Variants in CNTNAP2 observed in about 807,000 individuals in gnomAD.
CNTNAP2 encodes contactin-associated protein-like 2.
CNTNAP2 carries 98 observed loss-of-function variants against 155.2 expected under a neutral mutation model. That is an observed-to-expected ratio of 0.63 (90% confidence interval 0.54 to 0.75). The LOEUF (loss-of-function observed/expected upper bound fraction) is 0.75, where lower values mean the gene tolerates loss of function less well. CNTNAP2 is among the 30% of genes least tolerant of loss of function. The pLI is 0.00. For synonymous variants in CNTNAP2, 651 were observed against 631.2 expected (o/e 1.03, Z -0.47); for missense variants, 1,727 against 1,688.1 (o/e 1.02, Z -0.40).
In CNTNAP2 at chr7:147,857,090, AGTT is replaced by A. The variant is rs771947592; in HGVS notation, c.2099-46466_2099-46464del. On this transcript the variant is annotated intron_variant, in intron 13 of 23. Coordinates refer to ENST00000361727, the MANE Select transcript of CNTNAP2 (RefSeq NM_014141.6). ...ACCATAACCCAGGCTGTGTTTTCAA[AGTT>A]GTTGTTGTAAACTAAATGTTTTGGT... Among the ~76,000 whole-genome samples the A allele has an allele frequency of 3.3e-5, 5 of 152,220 alleles. No individual in the cohort carries two copies. The East Asian group carries it at 7.7e-4, about 23-fold the overall frequency.
chr7:147,197,546 C>T (rs751096478), intron 8 of CNTNAP2, among the ~76,000 whole-genome samples: 2 of 151,878 alleles, frequency 1.3e-5, no homozygotes, highest in East Asian at 1.9e-4. Context: ...TCTCTCTTGC[C>T]GGAAAAAAGG....
chr7:148,155,124 G>C (rs1271992640), intron 17 of CNTNAP2, among the ~76,000 whole-genome samples: 3 of 152,120 alleles, frequency 2.0e-5, no homozygotes, highest in Non-Finnish European at 4.4e-5. Flanking sequence ...CTATAACATA[G>C]ATAACATTGC....
chr7:146,822,822 T>C (rs1803315803), intron 2 of CNTNAP2, among the ~76,000 whole-genome samples: 1 of 149,554 alleles, frequency 6.7e-6, no homozygotes, highest in Admixed American at 6.8e-5. Context: ...TTCTTCAGCA[T>C]ATTTAAATAT....
At chr7:147,400,242 G>A (rs1051090309) in intron 10 of CNTNAP2, among the ~76,000 whole-genome samples, 2 of 152,102 alleles carry the variant, frequency 1.3e-5, no homozygotes, top group Non-Finnish European at 2.9e-5. Flanking sequence ...TCAAAGTTGG[G>A]GAGAGGGGGT....
intron 18 of CNTNAP2, chr7:148,189,954 T>C (rs1317318009): frequency 1.3e-5 from 2 of 152,184 alleles, no homozygotes; most frequent in Admixed American, 6.5e-5. Flanking sequence ...CTTTTATCTC[T>C]TGAAGATTTG....
chr7:147,605,755 G>A (rs749672822), intron 12 of CNTNAP2, among the ~76,000 whole-genome samples: 5 of 152,062 alleles, frequency 3.3e-5, no homozygotes, highest in African/African-American at 7.2e-5. Flanking sequence ...GGCAAGAAAC[G>A]GAACAGAAGA....
chr7:146,480,400 A>G (rs1056534604), intron 1 of CNTNAP2, among the ~76,000 whole-genome samples: 3 of 152,096 alleles, frequency 2.0e-5, no homozygotes, highest in Non-Finnish European at 4.4e-5. Flanking sequence ...CGCAAAAATT[A>G]CAATGTATAT....
chr7:148,400,855 C>A (rs951361143), intron 22 of CNTNAP2, among the ~76,000 whole-genome samples: 1 of 151,998 alleles, frequency 6.6e-6, no homozygotes, highest in Non-Finnish European at 1.5e-5. Flanking sequence ...TGGCGCATGC[C>A]TGTAATTTCA....
intron 1 of CNTNAP2, among the ~76,000 whole-genome samples, chr7:146,210,813 G>A (rs759695540): frequency 6.6e-6 from 1 of 151,510 alleles, no homozygotes; most frequent in Non-Finnish European, 1.5e-5. Flanking sequence ...ATGGGTTGTC[G>A]GGTAAGACAG....
intron 4 of CNTNAP2, among the ~76,000 whole-genome samples, chr7:147,103,519 T>C (rs1406224345): frequency 6.6e-6 from 1 of 152,106 alleles, no homozygotes; most frequent in African/African-American, 2.4e-5. Flanking sequence ...GCATAAACTA[T>C]ATAGTATTCG....
intron 8 of CNTNAP2, among the ~76,000 whole-genome samples, chr7:147,235,345 GGTGTGTGTGTGTGTGTGT>G (rs60072934): frequency 7.1e-6 from 1 of 140,882 alleles, no homozygotes; most frequent in Non-Finnish European, 1.5e-5. Context: ...TGGAGTTTTT[GGTGTGTGTGTGTGTGTGT>G]GTGTGTGTGT....
intron 16 of CNTNAP2, among the ~76,000 whole-genome samples, chr7:148,144,273 T>C (rs1805133412): frequency 6.6e-6 from 1 of 152,166 alleles, no homozygotes; most frequent in Non-Finnish European, 1.5e-5. Context: ...GTAAGAAATA[T>C]AATGTCACTC....
chr7:147,914,582 G>T (rs1477253054), intron 14 of CNTNAP2, among the ~76,000 whole-genome samples: 1 of 151,036 alleles, frequency 6.6e-6, no homozygotes, highest in Non-Finnish European at 1.5e-5. Flanking sequence ...TTATTTTTGA[G>T]AAGGGTCTCA....
At chr7:147,152,500 G>A (rs1177184691) in intron 8 of CNTNAP2, among the ~76,000 whole-genome samples, 1 of 152,002 alleles carries the variant, frequency 6.6e-6, no homozygotes, top group Non-Finnish European at 1.5e-5. Context: ...GAAATGATTA[G>A]GAGGGTAAGT....
At chr7:148,156,903 A>T (rs1456626050) in intron 17 of CNTNAP2, among the ~76,000 whole-genome samples, 1 of 151,968 alleles carries the variant, frequency 6.6e-6, no homozygotes, top group African/African-American at 2.4e-5. Flanking sequence ...CTGTGAGTCT[A>T]CCTCCAGACT....
chr7:146,703,903 T>C (rs1158052350), intron 1 of CNTNAP2, among the ~76,000 whole-genome samples: 1 of 152,136 alleles, frequency 6.6e-6, no homozygotes, highest in East Asian at 1.9e-4. Flanking sequence ...CTCCCTTCTT[T>C]GTTCCAAGTC....
intron 1 of CNTNAP2, among the ~76,000 whole-genome samples, chr7:146,757,054 A>G (rs1802006854): frequency 1.3e-5 from 2 of 152,116 alleles, no homozygotes; most frequent in Non-Finnish European, 2.9e-5. Flanking sequence ...AAGTTTCTTA[A>G]TATGAACATT....
intron 22 of CNTNAP2, among the ~76,000 whole-genome samples, chr7:148,385,736 G>GTTTTTTT (rs398006728): frequency 1.0e-5 from 1 of 95,356 alleles, no homozygotes; most frequent in Non-Finnish European, 2.0e-5. Context: ...AGTGTGACAG[G>GTTTTTTT]TTTTTTTTTT....
At chr7:148,308,107 A>G (rs34339536) in intron 21 of CNTNAP2, among the ~76,000 whole-genome samples, 97 of 152,348 alleles carry the variant, frequency 6.4e-4, no homozygotes, top group Non-Finnish European at 1.1e-3. Context: ...ATTTTTTTCA[A>G]ATAGTGAGGT....
Sources: allele counts gnomAD v4.1 joint callset (sites outside exome capture counted in the v4.1 genomes callset), GRCh38; gene constraint gnomAD v4.1.1; transcripts MANE v1.5; gene names NCBI Gene and HGNC (gene_info 2026-07-23, HGNC 2026-07-21).